Variants in PCNX4 observed in about 807,000 individuals in gnomAD.
PCNX4 encodes the protein pecanex 4.
PCNX4 carries 103 observed loss-of-function variants against 107.2 expected under a neutral mutation model. That is an observed-to-expected ratio of 0.96 (90% CI 0.82 to 1.13). The LOEUF (loss-of-function observed/expected upper bound fraction) is 1.13, where lower values mean the gene tolerates loss of function less well. PCNX4 is among the 50% of genes most tolerant of loss of function. PCNX4 has a pLI of 0.00. For missense variants in PCNX4, 1,528 were observed against 1,379.4 expected (o/e 1.11, Z -1.71); for synonymous variants, 541 against 481.7 (o/e 1.12, Z -1.61).
rs1475783622 is a variant in PCNX4, at chr14:60,107,795, G to A, written c.157G>A (p.Val53Ile). 6.2e-7 allele frequency: 1 copy of A among 1,612,666 alleles called. No homozygotes were observed. The highest frequency in any genetic ancestry group is 1.3e-5 in the African/African-American group (1 of 74,902). The change falls in exon 2 of 11, where the codon GTT becomes ATT. Residue 53 changes from valine (V) to isoleucine (I), a missense_variant. By Grantham distance (29) the Val-to-Ile change is conservative. Coordinates refer to ENST00000406854, the MANE Select transcript of PCNX4 (RefSeq NM_001330177.2). The part of the protein sequence containing the change: ...NQIILFLMPW[V>I]WGGVGTLLYQ... ...AATTATTCTTTTTCTAATGCCATGG[G>A]TTTGGGGTGGAGTCGGAACACTTTT...
Position 60,108,276 on chromosome 14 carries a change from T to A in PCNX4, c.638T>A (p.Leu213His). 1.9e-6 allele frequency: 3 copies of A among 1,611,708 alleles called. No individual in the cohort carries two copies. In the East Asian group the frequency reaches 6.7e-5, roughly 36 times the overall value. Residue 213 changes from leucine to histidine, a missense_variant, in exon 2 of 11, where the codon CTT becomes CAT. By Grantham distance (99) the Leu-to-His change is moderately conservative. Transcript: ENST00000406854. Reference sequence around the variant, plus strand: ...CAGGATACTTATGAAATTATTCCTCTTATGAGACCTCTTTATATTTTTTTC... The same window carrying A: ...CAGGATACTTATGAAATTATTCCTCATATGAGACCTCTTTATATTTTTTTC... ...QTQDTYEIIP[L>H]MRPLYIFFFV...
chr14:60,094,301 T>G (rs763596931), intron 1 of PCNX4, among the ~76,000 whole-genome samples: 1 of 108,918 alleles, frequency 9.2e-6, no homozygotes, highest in East Asian at 2.5e-4. Flanking sequence ...GACCCACTTT[T>G]CTCCAAAGAA....
At chr14:60,133,754 A>C in intron 10 of PCNX4, 1 of 651,304 alleles carries the variant, frequency 1.5e-6, no homozygotes, top group Middle Eastern at 2.4e-4. Context: ...GGCTGCCAGG[A>C]AACTTTTATT....
At position 60,135,085 on chromosome 14, in the gene PCNX4, TTGC is replaced by T. The variant is rs1461973030; in HGVS notation, c.*866_*868del. 1 of 152,210 alleles carries T rather than the reference TTGC, an allele frequency of 6.6e-6. No homozygotes were observed. Among genetic ancestry groups the T allele is most frequent in the Non-Finnish European group, 1.5e-5 (1 of 68,020 alleles). 9.4% of individuals were successfully genotyped at this position (152,210 alleles called of 1,614,324 possible). A position where few individuals can be genotyped will look rare whatever the true frequency, so the allele number is the denominator to read the frequency against. On this transcript the variant is annotated 3_prime_UTR_variant, in exon 11 of 11. Transcript: ENST00000406854. ...TCTGAATTTTATTTTCATTCTCTTC[TTGC>T]TTAGGAACGTTTTACAGATACATGT...
chr14:60,130,436 T>C (rs1896134050), intron 10 of PCNX4, among the ~76,000 whole-genome samples: 1 of 152,116 alleles, frequency 6.6e-6, no homozygotes, highest in Admixed American at 6.5e-5. Flanking sequence ...GGGAACTTCT[T>C]CAACCTGAAC....
intron 10 of PCNX4, chr14:60,133,748 G>A: frequency 1.6e-6 from 1 of 640,780 alleles, no homozygotes; most frequent in Middle Eastern, 2.5e-4. Flanking sequence ...TGAGATGGCT[G>A]CCAGGAAACT....
In PCNX4 at chr14:60,108,209, T is replaced by C. The variant is rs1393460992; in HGVS notation, c.571T>C (p.Leu191=). 2 of 1,612,810 alleles carry C rather than the reference T, an allele frequency of 1.2e-6. No individual in the cohort carries two copies. The highest frequency in any genetic ancestry group is 4.5e-5 in the East Asian group (2 of 44,878). ...WMTLCIAEYS[L]IVNTATETAT... is the part of the protein sequence containing the mutation. Reference sequence around the variant, plus strand: ...GACACTATGTATAGCAGAATATTCTTTAATTGTAAACACAGCTACAGAGAC... The same window carrying C: ...GACACTATGTATAGCAGAATATTCTCTAATTGTAAACACAGCTACAGAGAC... Residue 191 remains leucine, a synonymous_variant, in exon 2 of 11, where the codon TTA becomes CTA. Transcript: ENST00000406854.
intron 1 of PCNX4, among the ~76,000 whole-genome samples, chr14:60,106,289 C>T (rs1895627568): frequency 6.6e-6 from 1 of 152,186 alleles, no homozygotes. Flanking sequence ...AACCTACACA[C>T]TTCCTCCCTG....
At chr14:60,132,850 C>T (rs1896180175) in intron 10 of PCNX4, among the ~76,000 whole-genome samples, 1 of 152,138 alleles carries the variant, frequency 6.6e-6, no homozygotes, top group Non-Finnish European at 1.5e-5. Flanking sequence ...ATGAGAAGTG[C>T]TCCGTATAAT....
intron 2 of PCNX4, among the ~76,000 whole-genome samples, chr14:60,114,077 T>C (rs1209454956): frequency 6.6e-6 from 1 of 152,190 alleles, no homozygotes; most frequent in Non-Finnish European, 1.5e-5. Context: ...AGTTCTTAGG[T>C]TAAGCTGCAG....
rs1034477153 is a variant in PCNX4, at chr14:60,100,114, C to T, written c.-53-7472C>T. ...CAAAGTAACAGGAAGAAAAGAAAAC[C>T]GTCATGTCAAAGAGCTAATGCCCTT... is the stretch of plus-strand genomic sequence containing the variant. On this transcript the variant is annotated intron_variant, in intron 1 of 10. Coordinates refer to ENST00000406854, the MANE Select transcript of PCNX4 (RefSeq NM_001330177.2). Among the ~76,000 whole-genome samples, 4 of 151,760 alleles carry T rather than the reference C, an allele frequency of 2.6e-5. No homozygotes were observed. In the East Asian group the frequency reaches 5.8e-4, roughly 22 times the overall value.
chr14:60,127,782 C>T lies in PCNX4; in HGVS notation c.3267+1959C>T, dbSNP rs145502375. On this transcript the variant is annotated intron_variant, in intron 10 of 10. Coordinates refer to ENST00000406854, the MANE Select transcript of PCNX4 (RefSeq NM_001330177.2). ...GGAAAAAAGCAGACAACCAGGCTTG[C>T]CTGTAAGAGGGAACAGATGTCAGAT... is the stretch of plus-strand genomic sequence containing the variant. Among the ~76,000 whole-genome samples the T allele has an allele frequency of 3.1e-3, 478 of 152,198 alleles. 3 individuals are homozygous for T. The highest frequency in any genetic ancestry group is 0.011 in the African/African-American group (447 of 41,506).
chr14:60,122,433 T>G (rs992703021), intron 8 of PCNX4, among the ~76,000 whole-genome samples: 2 of 152,002 alleles, frequency 1.3e-5, no homozygotes, highest in Non-Finnish European at 2.9e-5. Context: ...GGCTATTCCC[T>G]CTGCCTAAAA....
At chr14:60,132,334 A>C (rs1246695555) in intron 10 of PCNX4, among the ~76,000 whole-genome samples, 1 of 152,224 alleles carries the variant, frequency 6.6e-6, no homozygotes, top group African/African-American at 2.4e-5. Flanking sequence ...GGATGATCTC[A>C]TCTCTAAATC....
intron 8 of PCNX4, 83 bp from the exon 9 acceptor site, chr14:60,124,135 A>C (rs1309107776): frequency 8.9e-7 from 1 of 1,120,916 alleles, no homozygotes; most frequent in Non-Finnish European, 1.2e-6. Flanking sequence ...TGTGATGAGA[A>C]TCTATGGGCA....
At position 60,137,014 on chromosome 14, in the gene PCNX4, C is replaced by T. The variant is rs1896248371; in HGVS notation, c.*2793C>T. Reference sequence around the variant, plus strand: ...ATTTTCCCTAAAACCTACTTTTCTACTTCTAACTTTTAGTGGTGCATTCAT... The same window carrying T: ...ATTTTCCCTAAAACCTACTTTTCTATTTCTAACTTTTAGTGGTGCATTCAT... On this transcript the variant is annotated 3_prime_UTR_variant, in exon 11 of 11. Coordinates refer to ENST00000406854, the MANE Select transcript of PCNX4 (RefSeq NM_001330177.2). 1 of 152,278 alleles carries T rather than the reference C, an allele frequency of 6.6e-6. No homozygotes were observed. Among genetic ancestry groups the T allele is most frequent in the Non-Finnish European group, 1.5e-5 (1 of 68,044 alleles). The allele number at this position is 152,278 out of a possible 1,614,324, so 9.4% of individuals were successfully genotyped here.
Position 60,124,578 on chromosome 14 carries a change from C to T in PCNX4, c.2407C>T (p.Pro803Ser). 6.2e-7 allele frequency: 1 copy of T among 1,613,782 alleles called. No homozygotes were observed. Among genetic ancestry groups the T allele is most frequent in the Non-Finnish European group, 8.5e-7 (1 of 1,179,782 alleles). ...GTTGCCTGCTTTGAACACTTTGCCA[C>T]CTCCCAAATCCCCAGAAGACATAGA... is the stretch of plus-strand genomic sequence containing the variant. ...LMLPALNTLP[P>S]PKSPEDIDSL... The change falls in exon 9 of 11, where the codon CCT becomes TCT. Residue 803 changes from proline to serine, a missense_variant. Physicochemically the swap from Pro to Ser is moderately conservative, Grantham distance 74 (BLOSUM62 -1). Coordinates refer to ENST00000406854, the MANE Select transcript of PCNX4 (RefSeq NM_001330177.2).
intron 2 of PCNX4, 52 bp downstream of exon 2, chr14:60,108,379 G>C: frequency 9.7e-6 from 13 of 1,339,554 alleles, no homozygotes; most frequent in Non-Finnish European, 1.2e-5. Context: ...AGTATACAGA[G>C]TAAGAGAGCT....
At position 60,147,514 on chromosome 14, in the gene PCNX4, A is replaced by G. The variant is rs1310412756; in HGVS notation, c.*13293A>G. On this transcript the variant is annotated 3_prime_UTR_variant, in exon 11 of 11. Coordinates refer to ENST00000406854, the MANE Select transcript of PCNX4 (RefSeq NM_001330177.2). Reference sequence around the variant, plus strand: ...AAATATATATAATTTTTATGTGTCAATTATAAAGAAAATCTTTGATCATTA... The same window carrying G: ...AAATATATATAATTTTTATGTGTCAGTTATAAAGAAAATCTTTGATCATTA... 1 of 152,204 alleles carries G rather than the reference A, an allele frequency of 6.6e-6. No homozygotes were observed. Among genetic ancestry groups the G allele is most frequent in the Non-Finnish European group, 1.5e-5 (1 of 68,030 alleles). The allele number at this position is 152,204 out of a possible 1,614,324, so 9.4% of individuals were successfully genotyped here.
Sources: gnomAD v4.1 joint callset for allele counts (sites outside exome capture counted in the v4.1 genomes callset) on GRCh38, gnomAD v4.1.1 for gene constraint, MANE v1.5 for transcripts, NCBI Gene and HGNC (gene_info 2026-07-23, HGNC 2026-07-21) for gene names.